Variants in ASB3 observed in about 807,000 individuals in gnomAD.
ASB3 encodes the protein ankyrin repeat and SOCS box protein 3.
Under a neutral mutation model 54.5 loss-of-function variants are expected in ASB3, and 41 were observed. The observed-to-expected ratio is 0.75, with a 90% confidence interval of 0.59 to 0.98. The LOEUF is 0.98. Among genes scored for constraint, ASB3 ranks in the 50% least tolerant of loss-of-function variants. The pLI is 0.00. For missense variants in ASB3, 733 were observed against 620.0 expected (o/e 1.18, Z -1.94); for synonymous variants, 266 against 221.2 (o/e 1.20, Z -1.80).
chr2:53,760,291 G>A (rs1572984797), intron 2 of ASB3, among the ~76,000 whole-genome samples: 1 of 152,166 alleles, frequency 6.6e-6, no homozygotes, highest in Non-Finnish European at 1.5e-5. Context: ...ACTTCCGAGG[G>A]AATACCTATC....
chr2:53,735,737 G>A (rs1403986631), intron 3 of ASB3, among the ~76,000 whole-genome samples: 1 of 151,972 alleles, frequency 6.6e-6, no homozygotes, highest in Non-Finnish European at 1.5e-5. Flanking sequence ...CATACAAGCA[G>A]CTATCAAAAC....
At chr2:53,740,281 C>T (rs919915164) in intron 3 of ASB3, among the ~76,000 whole-genome samples, 4 of 151,974 alleles carry the variant, frequency 2.6e-5, no homozygotes, top group African/African-American at 9.7e-5. Context: ...AAACTTTTTT[C>T]CCCCACCTCT....
intron 1 of ASB3, among the ~76,000 whole-genome samples, chr2:53,785,971 G>A (rs1674959116): frequency 6.6e-6 from 1 of 150,932 alleles, no homozygotes; most frequent in South Asian, 2.2e-4. Flanking sequence ...GATTCCTGAT[G>A]TTAAAAAAAA....
chr2:53,700,380 T>C lies in ASB3; in HGVS notation c.1129A>G (p.Ile377Val), dbSNP rs748750932. 3.6e-5 allele frequency: 58 copies of C among 1,614,014 alleles called. No homozygotes were observed. The South Asian group carries it at 4.2e-4, about 12-fold the overall frequency. Reference protein sequence around the residue: ...KGCSLGPWNHIYEFVNHAIKA... With the variant: ...KGCSLGPWNHVYEFVNHAIKA... ...ATTGCATGATTTACAAATTCATATA[T>C]ATGGTTCCATGGTCCCAATGAGCAA... The change falls in exon 8 of 10, where the codon ATA becomes GTA. Residue 377 changes from isoleucine to valine, a missense_variant. Coordinates refer to ENST00000263634, the MANE Select transcript of ASB3 (RefSeq NM_016115.5).
chr2:53,731,956 A>G (rs1259713442), intron 3 of ASB3, among the ~76,000 whole-genome samples: 2 of 145,698 alleles, frequency 1.4e-5, no homozygotes, highest in East Asian at 2.1e-4. Flanking sequence ...CTTGGCCCCC[A>G]CAACAGTTTG....
At chr2:53,698,510 T>G (rs1293660229) in intron 8 of ASB3, among the ~76,000 whole-genome samples, 1 of 152,144 alleles carries the variant, frequency 6.6e-6, no homozygotes, top group Non-Finnish European at 1.5e-5. Flanking sequence ...TGGCCACAAG[T>G]AGCCATGCAG....
rs959036567 is a variant in ASB3 at position 53,769,791 on chromosome 2, G to A, written c.-13-4206C>T. Among the ~76,000 whole-genome samples the A allele has an allele frequency of 2.6e-5, 4 of 152,276 alleles. No homozygotes were observed. In the East Asian group the frequency reaches 7.7e-4, roughly 29 times the overall value. On this transcript the variant is annotated intron_variant, in intron 1 of 9. Transcript: ENST00000263634. ...TGGGAGGCAGACGTTGCGGTGAGCT[G>A]AGATTGCGCCACTGCACTCCAGCCT...
chr2:53,786,582 T>G (rs891496748), intron 1 of ASB3: 2 of 152,260 alleles, frequency 1.3e-5, no homozygotes, highest in African/African-American at 4.8e-5. Context: ...AAATGAAGTG[T>G]ACAAATGCCA....
intron 3 of ASB3, among the ~76,000 whole-genome samples, chr2:53,749,263 C>T (rs961078134): frequency 2.0e-5 from 3 of 151,886 alleles, no homozygotes; most frequent in African/African-American, 7.2e-5. Context: ...ACTACTAAAC[C>T]TCCATTAGAA....
At chr2:53,722,348 C>G (rs552371908) in intron 5 of ASB3, among the ~76,000 whole-genome samples, 112 of 152,192 alleles carry the variant, frequency 7.4e-4, no homozygotes, top group East Asian at 2.3e-3. Flanking sequence ...CACCCTAATA[C>G]AAAAATCTGG....
At chr2:53,750,014 C>T (rs1672431399) in intron 3 of ASB3, among the ~76,000 whole-genome samples, 1 of 151,992 alleles carries the variant, frequency 6.6e-6, no homozygotes, top group Non-Finnish European at 1.5e-5. Context: ...AGACCAATAA[C>T]AAAGACTAGA....
intron 8 of ASB3, 108 bp from the exon 9 acceptor site, chr2:53,694,122 A>C (rs1039190618): frequency 1.0e-4 from 141 of 1,344,118 alleles, no homozygotes; most frequent in Non-Finnish European, 2.5e-5. Context: ...TGAGGAGGGC[A>C]GACAGAAAAC....
chr2:53,736,495 G>C (rs552750863), intron 3 of ASB3, among the ~76,000 whole-genome samples: 4 of 151,238 alleles, frequency 2.6e-5, no homozygotes, highest in African/African-American at 9.7e-5. Context: ...TCAGGAAATC[G>C]AGACCATCCT....
intron 9 of ASB3, among the ~76,000 whole-genome samples, chr2:53,677,793 T>C (rs1219624153): frequency 6.6e-6 from 1 of 152,198 alleles, no homozygotes; most frequent in Non-Finnish European, 1.5e-5. Flanking sequence ...TTTGCCCTCA[T>C]GTTCCGAATG....
chr2:53,744,384 C>CAAAAAAAAAAAAAAAAA (rs779225958), intron 3 of ASB3, among the ~76,000 whole-genome samples: 5 of 139,952 alleles, frequency 3.6e-5, no homozygotes, highest in African/African-American at 1.4e-4. Flanking sequence ...GACTCTGTCT[C>CAAAAAAAAAAAAAAAAA]AAAAAAATAA....
chr2:53,724,107 T>A (rs2103881369), intron 5 of ASB3, among the ~76,000 whole-genome samples: 1 of 152,234 alleles, frequency 6.6e-6, no homozygotes, highest in East Asian at 1.9e-4. Context: ...ATTAATCTCT[T>A]TAGATTAATT....
chr2:53,682,746 G>A (rs777817744), intron 9 of ASB3, among the ~76,000 whole-genome samples: 1 of 152,118 alleles, frequency 6.6e-6, no homozygotes, highest in African/African-American at 2.4e-5. Flanking sequence ...CAAAGTGCTG[G>A]GATTACAGGT....
intron 1 of ASB3, chr2:53,767,842 G>A (rs199814886): frequency 1.7e-4 from 266 of 1,565,712 alleles, no homozygotes; most frequent in Non-Finnish European, 2.2e-4. Flanking sequence ...GCGGCGCGGC[G>A]ACAGCTAGGG....
At chr2:53,727,130 G>T (rs1408315859) in intron 5 of ASB3, among the ~76,000 whole-genome samples, 1 of 152,104 alleles carries the variant, frequency 6.6e-6, no homozygotes, top group African/African-American at 2.4e-5. Flanking sequence ...CTTTGACAAG[G>T]CACTTAAACA....
Sources: gnomAD v4.1 joint callset for allele counts (sites outside exome capture counted in the v4.1 genomes callset) on GRCh38, gnomAD v4.1.1 for gene constraint, MANE v1.5 for transcripts, NCBI Gene and HGNC (gene_info 2026-07-23, HGNC 2026-07-21) for gene names.